ZNF678: variants seen among roughly 807,000 people sequenced by gnomAD.
ZNF678 encodes zinc finger protein 678.
Under a neutral mutation model 3.0 loss-of-function variants are expected in ZNF678, and 5 were observed. That is an observed-to-expected ratio of 1.69 (90% CI 0.88 to 3.56). The LOEUF is 3.56. Among genes scored for constraint, ZNF678 ranks in the 30% most tolerant of loss-of-function variants. The probability of loss-of-function intolerance (pLI) is 0.00; values close to 1 mark genes in which losing one functional copy is unlikely to be tolerated. For missense variants in ZNF678, 593 were observed against 605.0 expected (o/e 0.98, Z 0.21); for synonymous variants, 218 against 199.6 (o/e 1.09, Z -0.78).
At chr1:227,646,501 A>G (rs765759287) in intron 1 of ZNF678, 43 bp from the exon 2 acceptor site, 2 of 1,352,650 alleles carry the variant, frequency 1.5e-6, no homozygotes, top group African/African-American at 1.5e-5. Flanking sequence ...AACTCTGCCC[A>G]TGGCACATTT....
At chr1:227,606,643 C>T (rs1451446297) in intron 1 of ZNF678, among the ~76,000 whole-genome samples, 1 of 152,124 alleles carries the variant, frequency 6.6e-6, no homozygotes, top group Non-Finnish European at 1.5e-5. Flanking sequence ...CTTTCCCTTC[C>T]CACGAGGCCA....
At chr1:227,632,741 A>G (rs913408881) in intron 1 of ZNF678, among the ~76,000 whole-genome samples, 10 of 152,310 alleles carry the variant, frequency 6.6e-5, no homozygotes, top group Middle Eastern at 3.4e-3. Flanking sequence ...ACAGAATAGC[A>G]AGCGAAAATC....
intron 5 of ZNF678, among the ~76,000 whole-genome samples, chr1:227,673,663 G>A (rs1051511994): frequency 2.0e-5 from 3 of 152,178 alleles, no homozygotes; most frequent in Non-Finnish European, 2.9e-5. Flanking sequence ...CCTCTGGGTA[G>A]GCTGAAGCCA....
intron 2 of ZNF678, among the ~76,000 whole-genome samples, chr1:227,647,647 C>T (rs1218403767): frequency 6.6e-6 from 1 of 152,148 alleles, no homozygotes; most frequent in African/African-American, 2.4e-5. Context: ...TCAGAAAAGC[C>T]TGGTTTTGTT....
At chr1:227,625,456 G>A (rs1446668908) in intron 1 of ZNF678, among the ~76,000 whole-genome samples, 1 of 152,120 alleles carries the variant, frequency 6.6e-6, no homozygotes, top group Non-Finnish European at 1.5e-5. Context: ...AGGGGTCCGT[G>A]GTAGATCTTA....
chr1:227,628,293 G>T (rs1041545508), intron 1 of ZNF678, among the ~76,000 whole-genome samples: 14 of 151,228 alleles, frequency 9.3e-5, no homozygotes, highest in African/African-American at 3.4e-4. Flanking sequence ...AGCTATTCCT[G>T]TTTTTTTTTC....
intron 1 of ZNF678, chr1:227,598,516 C>A (rs1657652153): frequency 1.5e-6 from 2 of 1,316,848 alleles, no homozygotes; most frequent in South Asian, 2.8e-5. Flanking sequence ...TTTTCTGTTG[C>A]TTTTTCTCAT....
At chr1:227,565,455 C>CA (rs941199534) in intron 1 of ZNF678, among the ~76,000 whole-genome samples, 2 of 152,170 alleles carry the variant, frequency 1.3e-5, no homozygotes, top group African/African-American at 4.8e-5. Flanking sequence ...CTCCTGGACT[C>CA]AAGTGATTTT....
chr1:227,597,189 T>C (rs1362707019), intron 1 of ZNF678, among the ~76,000 whole-genome samples: 2 of 152,180 alleles, frequency 1.3e-5, no homozygotes, highest in African/African-American at 2.4e-5. Flanking sequence ...CCAAAATGGA[T>C]GGGTTTGGCT....
intron 1 of ZNF678, among the ~76,000 whole-genome samples, chr1:227,575,104 A>T (rs540996415): frequency 6.6e-6 from 1 of 152,108 alleles, no homozygotes; most frequent in African/African-American, 2.4e-5. Flanking sequence ...TTCCATTGGT[A>T]TATGTGTTTG....
chr1:227,574,877 C>T (rs935696124), intron 1 of ZNF678, among the ~76,000 whole-genome samples: 8 of 152,200 alleles, frequency 5.3e-5, no homozygotes, highest in South Asian at 2.1e-4. Context: ...CTTCTGCAAA[C>T]GGCTAGCCAG....
intron 1 of ZNF678, among the ~76,000 whole-genome samples, chr1:227,569,289 C>T (rs529482307): frequency 5.8e-4 from 89 of 152,236 alleles, no homozygotes; most frequent in African/African-American, 2.0e-3. Flanking sequence ...CATGCCTGAT[C>T]GGGACAACTT....
rs775527242 is a variant in ZNF678 at position 227,563,754 on chromosome 1, T to C, written c.-164+30T>C. On this transcript the variant is annotated intron_variant, in intron 1 of 3. Coordinates refer to ENST00000343776, the MANE Select transcript of ZNF678 (RefSeq NM_001367909.1). ...GAGTTCCCGGGAGGGTGTTCCAAGA[T>C]GGCGGTCCGGCCTCCCGGCGTCAGC... 1.7e-5 allele frequency: 22 copies of C among 1,309,172 alleles called. No homozygotes were observed. The South Asian group carries it at 2.0e-4, about 12-fold the overall frequency. The allele number at this position is 1,309,172 out of a possible 1,614,324, so 81.1% of individuals were successfully genotyped here.
chr1:227,566,986 A>G (rs1288694709), intron 1 of ZNF678, among the ~76,000 whole-genome samples: 2 of 152,344 alleles, frequency 1.3e-5, no homozygotes, highest in African/African-American at 4.8e-5. Flanking sequence ...ACAGTATGGT[A>G]GATTAATTGG....
intron 1 of ZNF678, among the ~76,000 whole-genome samples, chr1:227,610,847 T>G (rs1439549429): frequency 6.6e-6 from 1 of 151,350 alleles, no homozygotes; most frequent in Non-Finnish European, 1.5e-5. Context: ...AGAAGGGGGG[T>G]TTTCTGAAAC....
chr1:227,572,422 G>A (rs1246673066), intron 1 of ZNF678, among the ~76,000 whole-genome samples: 1 of 152,196 alleles, frequency 6.6e-6, no homozygotes, highest in Non-Finnish European at 1.5e-5. Context: ...TGCTTGGCCA[G>A]TAGTGGTTCT....
rs1048638346 is a variant in ZNF678, at chr1:227,638,674, A to G, written c.-163-7870A>G. Among the ~76,000 whole-genome samples the G allele has an allele frequency of 1.3e-5, 2 of 152,120 alleles. No homozygotes were observed. Among genetic ancestry groups the G allele is most frequent in the Non-Finnish European group, 2.9e-5 (2 of 68,014 alleles). On this transcript the variant is annotated intron_variant, in intron 1 of 3. Transcript: ENST00000343776. The surrounding 1 kb of genome is among the most constrained non-coding windows in gnomAD (Gnocchi z 4.2). ...GGTCTAGGTGGATGTCTTGGGTACTATGGGAAATGTGGAAGTAGGGAGTAA... is the reference window on the plus strand; with the variant it reads ...GGTCTAGGTGGATGTCTTGGGTACTGTGGGAAATGTGGAAGTAGGGAGTAA...
At chr1:227,675,300 C>G (rs946879736) in intron 5 of ZNF678, among the ~76,000 whole-genome samples, 3 of 152,118 alleles carry the variant, frequency 2.0e-5, no homozygotes, top group Admixed American at 2.0e-4. Flanking sequence ...GAAGACAGCC[C>G]AGAAATAAAC....
chr1:227,671,235 C>T (rs1378568553), intron 5 of ZNF678, among the ~76,000 whole-genome samples: 1 of 149,698 alleles, frequency 6.7e-6, no homozygotes, highest in African/African-American at 2.4e-5. Context: ...TGCCACCATG[C>T]TCTACAAATT....
Sources: allele counts gnomAD v4.1 joint callset (sites outside exome capture counted in the v4.1 genomes callset), GRCh38; gene constraint gnomAD v4.1.1; non-coding constraint Gnocchi (gnomAD v3.1); transcripts MANE v1.5; gene names NCBI Gene and HGNC (gene_info 2026-07-23, HGNC 2026-07-21).